Variants in DLG2 observed in about 807,000 individuals in gnomAD.
DLG2 encodes the protein disks large homolog 2.
DLG2 carries 45 observed loss-of-function variants against 132.5 expected under a neutral mutation model. The observed-to-expected ratio is 0.34, with a 90% CI of 0.27 to 0.44. The LOEUF is 0.44. Ranked by LOEUF, DLG2 falls within the 20% of genes least tolerant of loss-of-function variation. DLG2 has a pLI of 1.00. For synonymous variants in DLG2, 424 were observed against 419.6 expected, an observed-to-expected ratio of 1.01 and a Z score of -0.13; for missense variants, 1,045 against 1,196.9, an observed-to-expected ratio of 0.87 and a Z score of 1.87.
chr11:84,892,645 C>G (rs574640769), intron 6 of DLG2, among the ~76,000 whole-genome samples: 1 of 151,944 alleles, frequency 6.6e-6, no homozygotes, highest in East Asian at 1.9e-4. Context: ...GAATTTTTCT[C>G]CTTTAAAGAA....
At chr11:84,758,873 C>A (rs756843463) in intron 6 of DLG2, among the ~76,000 whole-genome samples, 1 of 151,990 alleles carries the variant, frequency 6.6e-6, no homozygotes, top group Non-Finnish European at 1.5e-5. Context: ...TTTATTAATT[C>A]TTTCTGTTTA....
intron 3 of DLG2, among the ~76,000 whole-genome samples, chr11:85,578,734 G>A (rs1307509972): frequency 6.6e-6 from 1 of 152,108 alleles, no homozygotes; most frequent in Non-Finnish European, 1.5e-5. Context: ...TAAAATAACA[G>A]ATACTAGAAA....
chr11:84,275,990 T>A (rs1393532961), intron 7 of DLG2, among the ~76,000 whole-genome samples: 1 of 152,140 alleles, frequency 6.6e-6, no homozygotes, highest in African/African-American at 2.4e-5. Flanking sequence ...GCTTCATTGA[T>A]TATTGTTTTG....
intron 7 of DLG2, among the ~76,000 whole-genome samples, chr11:84,421,583 GTT>G (rs776140612): frequency 1.6e-4 from 25 of 152,128 alleles, no homozygotes; most frequent in Non-Finnish European, 3.4e-4. Flanking sequence ...TACCAGATAA[GTT>G]TTTCTAAAAT....
In DLG2 at chr11:84,308,110, C is replaced by T. The variant is rs1404204160; in HGVS notation, c.520-56819G>A. 2.0e-5 allele frequency among the ~76,000 whole-genome samples: 3 copies of T among 152,142 alleles called. No homozygotes were observed. In the East Asian group the frequency reaches 5.8e-4, roughly 29 times the overall value. ...TTGCCACTGCTGGCTCTGGGAGCAG[C>T]CTGCTTTTATTCTCTTATCTGGCCC... On this transcript the variant is annotated intron_variant, in intron 7 of 27. Transcript: ENST00000376104.
At chr11:83,625,852 T>A (rs2062430590) in intron 19 of DLG2, among the ~76,000 whole-genome samples, 1 of 152,204 alleles carries the variant, frequency 6.6e-6, no homozygotes, top group African/African-American at 2.4e-5. Flanking sequence ...AGAGCCTGCA[T>A]CCTGAGGATG....
rs2089664216 is a variant in DLG2, at chr11:83,724,843, G to C, written c.1825+61847C>G. ...AAGAGAAATGGGTCTGAGAAAAGCA[G>C]CATGATTCTCACCACAGCTCTTTAG... On this transcript the variant is annotated intron_variant, in intron 18 of 27. Coordinates refer to ENST00000376104, the MANE Select transcript of DLG2 (RefSeq NM_001142699.3). The C allele has an allele frequency of 5.7e-6, 4 of 702,444 alleles. No individual in the cohort carries two copies. In the East Asian group the frequency reaches 1.1e-4, roughly 19 times the overall value. 43.5% of individuals were successfully genotyped at this position (702,444 alleles called of 1,614,324 possible). A position where few individuals can be genotyped will look rare whatever the true frequency, so the allele number is the denominator to read the frequency against.
At chr11:84,854,530 T>A (rs2082536035) in intron 6 of DLG2, among the ~76,000 whole-genome samples, 1 of 151,990 alleles carries the variant, frequency 6.6e-6, no homozygotes, top group South Asian at 2.1e-4. Flanking sequence ...AAACATCCAC[T>A]GAAAACCCCT....
intron 16 of DLG2, among the ~76,000 whole-genome samples, chr11:83,846,209 A>G (rs2058580237): frequency 6.6e-6 from 1 of 152,256 alleles, no homozygotes. Flanking sequence ...GCCTAGGGCC[A>G]GAGCGGAGAT....
intron 11 of DLG2, among the ~76,000 whole-genome samples, chr11:84,005,722 C>A (rs2094543273): frequency 6.6e-6 from 1 of 151,460 alleles, no homozygotes; most frequent in African/African-American, 2.4e-5. Flanking sequence ...AATAAAGATG[C>A]TCAAGATCAT....
At chr11:84,143,407 C>T (rs190323277) in intron 9 of DLG2, among the ~76,000 whole-genome samples, 1 of 152,170 alleles carries the variant, frequency 6.6e-6, no homozygotes, top group East Asian at 1.9e-4. Context: ...TGAGTTAAAT[C>T]CAAGGTGACA....
chr11:84,197,779 A>T (rs1272713615), intron 8 of DLG2, among the ~76,000 whole-genome samples: 2 of 152,212 alleles, frequency 1.3e-5, no homozygotes, highest in African/African-American at 4.8e-5. Context: ...CTAGATAAAC[A>T]GCTAATCCTA....
At chr11:85,439,086 A>T (rs947738994) in intron 3 of DLG2, among the ~76,000 whole-genome samples, 1 of 152,130 alleles carries the variant, frequency 6.6e-6, no homozygotes, top group African/African-American at 2.4e-5. Flanking sequence ...TTAACTGTTC[A>T]CCTACTGAAT....
chr11:84,408,545 T>C (rs2098873613), intron 7 of DLG2, among the ~76,000 whole-genome samples: 1 of 152,036 alleles, frequency 6.6e-6, no homozygotes, highest in Non-Finnish European at 1.5e-5. Flanking sequence ...GAGCTTAAAG[T>C]CAATCGGGGG....
chr11:85,523,544 C>T (rs555342798), intron 3 of DLG2, among the ~76,000 whole-genome samples: 9 of 152,250 alleles, frequency 5.9e-5, no homozygotes, highest in African/African-American at 1.9e-4. Flanking sequence ...TCATCTCCCC[C>T]ATTAAAATGG....
chr11:84,432,026 T>G (rs1467718404), intron 7 of DLG2, among the ~76,000 whole-genome samples: 1 of 152,160 alleles, frequency 6.6e-6, no homozygotes, highest in Non-Finnish European at 1.5e-5. Context: ...TTGAATAAGA[T>G]TGAGAAATCA....
At chr11:84,188,606 G>A (rs1029452867) in intron 8 of DLG2, among the ~76,000 whole-genome samples, 7 of 152,118 alleles carry the variant, frequency 4.6e-5, no homozygotes, top group African/African-American at 1.7e-4. Context: ...TTCCCACTGA[G>A]CTAATATTGG....
At chr11:85,391,338 C>A (rs772327659) in intron 3 of DLG2, among the ~76,000 whole-genome samples, 8 of 151,918 alleles carry the variant, frequency 5.3e-5, no homozygotes, top group Non-Finnish European at 1.0e-4. Context: ...ACCAGATGGA[C>A]TCACAGCTGA....
intron 4 of DLG2, among the ~76,000 whole-genome samples, chr11:85,210,949 TC>T (rs963305440): frequency 2.0e-5 from 3 of 152,122 alleles, no homozygotes; most frequent in Admixed American, 6.6e-5. Flanking sequence ...CACAGGTATC[TC>T]CCCCTTTAAA....
Sources: gnomAD v4.1 joint callset for allele counts (sites outside exome capture counted in the v4.1 genomes callset) on GRCh38, gnomAD v4.1.1 for gene constraint, MANE v1.5 for transcripts, NCBI Gene and HGNC (gene_info 2026-07-23, HGNC 2026-07-21) for gene names.